RIMKLB: variants seen among roughly 807,000 people sequenced by gnomAD.
The protein encoded by RIMKLB is ribosomal modification protein rimK like family member B, also known as beta-citrylglutamate synthase B.
Under a neutral mutation model 32.0 loss-of-function variants are expected in RIMKLB, and 7 were observed. That is an observed-to-expected ratio of 0.22 (90% CI 0.12 to 0.41). RIMKLB has a LOEUF of 0.41. Ranked by LOEUF, RIMKLB falls within the 10% of genes least tolerant of loss-of-function variation. RIMKLB has a pLI of 1.00. For synonymous variants in RIMKLB, 172 were observed against 185.1 expected (o/e 0.93, Z 0.57); for missense variants, 289 against 498.7 (o/e 0.58, Z 4.00).
upstream of RIMKLB, among the ~76,000 whole-genome samples, chr12:8,695,567 C>CTTTG (rs60544654): frequency 0.23 from 34,612 of 151,688 alleles, 4,148 homozygotes; most frequent in Non-Finnish European, 0.26. Flanking sequence ...TTATCATTGG[C>CTTTG]TTTTTTTAAA....
exon 1 of RIMKLB, chr12:8,681,737 A>G (rs1237307008): frequency 6.6e-6 from 1 of 152,248 alleles, no homozygotes; most frequent in East Asian, 1.9e-4. Flanking sequence ...GGTGTACTCT[A>G]ACTCAGGGAC....
chr12:8,706,554 G>A (rs868566769), intron 1 of RIMKLB, among the ~76,000 whole-genome samples: 2 of 151,100 alleles, frequency 1.3e-5, no homozygotes, highest in South Asian at 2.1e-4. Context: ...GGGTTCAAGC[G>A]ATTCTCCTGG....
Position 8,761,847 on chromosome 12 carries a change from C to G in RIMKLB, c.697+7754C>G, listed in dbSNP as rs755475878. Among the ~76,000 whole-genome samples the G allele has an allele frequency of 2.0e-5, 3 of 152,020 alleles. No individual in the cohort carries two copies. The South Asian group carries it at 6.2e-4, about 32-fold the overall frequency. The stretch of plus-strand genomic sequence containing the variant: ...TGGGGTATAGTAGGGGTCGTGCAGT[C>G]GAGATTTCCTCGGGAGGGGTGCCTT... On this transcript the variant is annotated intron_variant, in intron 5 of 5. Coordinates refer to ENST00000535829, the MANE Select transcript of RIMKLB (RefSeq NM_001297776.2).
upstream of RIMKLB, among the ~76,000 whole-genome samples, chr12:8,697,517 A>T (rs1189601976): frequency 6.6e-6 from 1 of 151,968 alleles, no homozygotes; most frequent in Non-Finnish European, 1.5e-5. Flanking sequence ...GGGCCTAAGC[A>T]GGGAATGTGA....
At chr12:8,671,329 C>T in the RIMKLB span, among the ~76,000 whole-genome samples, 9 of 151,990 alleles carry the variant, frequency 5.9e-5, no homozygotes, top group African/African-American at 2.2e-4. Context: ...CAGCTCACCG[C>T]AAATTCTGCT....
At position 8,776,763 on chromosome 12, in the gene RIMKLB, T is replaced by C. The variant is rs1382406790; in HGVS notation, c.*2979T>C. On this transcript the variant is annotated 3_prime_UTR_variant, in exon 6 of 6. Transcript: ENST00000535829. Reference sequence around the variant, plus strand: ...GAAATCTTCCTGTATATGTTACCAATAAGAAAACTACCCTGGAACAGTAGA... The same window carrying C: ...GAAATCTTCCTGTATATGTTACCAACAAGAAAACTACCCTGGAACAGTAGA... 3 of 985,276 alleles carry C rather than the reference T, an allele frequency of 3.0e-6. No individual in the cohort carries two copies. The highest frequency in any genetic ancestry group is 3.6e-6 in the Non-Finnish European group (3 of 829,880). 61.0% of individuals were successfully genotyped at this position (985,276 alleles called of 1,614,324 possible). A position where few individuals can be genotyped will look rare whatever the true frequency, so the allele number is the denominator to read the frequency against.
intron 2 of RIMKLB, among the ~76,000 whole-genome samples, chr12:8,721,954 G>A (rs1174176854): frequency 2.0e-5 from 3 of 152,084 alleles, no homozygotes; most frequent in African/African-American, 7.2e-5. Flanking sequence ...ATGTTGGCCA[G>A]GTTGGTCTCA....
chr12:8,717,093 GTAT>G (rs973214114), intron 2 of RIMKLB, among the ~76,000 whole-genome samples: 6 of 79,688 alleles, frequency 7.5e-5, no homozygotes, highest in Non-Finnish European at 5.2e-5. Flanking sequence ...CATTTTTTAT[GTAT>G]TATTTAACTC....
chr12:8,729,604 G>T (rs777003824), intron 2 of RIMKLB, among the ~76,000 whole-genome samples: 22 of 152,276 alleles, frequency 1.4e-4, no homozygotes, highest in African/African-American at 5.1e-4. Context: ...AAACAGGGAT[G>T]TAAATTCTTA....
chr12:8,711,669 C>A (rs761400296), intron 1 of RIMKLB, among the ~76,000 whole-genome samples: 2 of 151,818 alleles, frequency 1.3e-5, no homozygotes, highest in South Asian at 2.1e-4. Context: ...TCCCTCCCCC[C>A]TCCCCCAAAC....
chr12:8,759,228 C>T (rs1949320524), intron 5 of RIMKLB, among the ~76,000 whole-genome samples: 1 of 152,126 alleles, frequency 6.6e-6, no homozygotes, highest in African/African-American at 2.4e-5. Flanking sequence ...AACCCCATCT[C>T]TACTAAAAAT....
the RIMKLB span, among the ~76,000 whole-genome samples, chr12:8,670,811 T>C: frequency 6.6e-6 from 1 of 152,262 alleles, no homozygotes; most frequent in Non-Finnish European, 1.5e-5. Context: ...GCCCCACCCC[T>C]GCAGCAAACT....
At chr12:8,746,694 G>A (rs1333593458) in intron 2 of RIMKLB, among the ~76,000 whole-genome samples, 1 of 151,890 alleles carries the variant, frequency 6.6e-6, no homozygotes, top group Non-Finnish European at 1.5e-5. Flanking sequence ...CACATCTGCT[G>A]ATGACCACAT....
At chr12:8,713,124 T>G (rs1020097712) in intron 1 of RIMKLB, among the ~76,000 whole-genome samples, 2 of 152,320 alleles carry the variant, frequency 1.3e-5, no homozygotes, top group Middle Eastern at 3.4e-3. Context: ...ATAAAAACAT[T>G]GAGTAAGAGC....
chr12:8,757,537 T>C (rs1321850388), intron 5 of RIMKLB, among the ~76,000 whole-genome samples: 1 of 151,732 alleles, frequency 6.6e-6, no homozygotes, highest in Non-Finnish European at 1.5e-5. Context: ...AAGGATTCCT[T>C]TGCACCCATT....
At chr12:8,753,395 C>T (rs985217527) in intron 4 of RIMKLB, among the ~76,000 whole-genome samples, 3 of 152,040 alleles carry the variant, frequency 2.0e-5, no homozygotes, top group Non-Finnish European at 4.4e-5. Context: ...AATTTAGAAC[C>T]ATATATCAAA....
At chr12:8,779,861 T>A (rs1471413789), downstream of RIMKLB, 1 of 152,032 alleles carries the variant, frequency 6.6e-6, no homozygotes, top group Non-Finnish European at 1.5e-5. Context: ...ATTACATTTG[T>A]CATTCTGTCT....
intron 2 of RIMKLB, among the ~76,000 whole-genome samples, chr12:8,714,604 C>G (rs766936841): frequency 3.9e-5 from 6 of 152,036 alleles, no homozygotes; most frequent in Non-Finnish European, 7.4e-5. Flanking sequence ...AATGATTTAA[C>G]TCAATTGGTG....
At chr12:8,731,667 C>T (rs1475017244) in intron 2 of RIMKLB, among the ~76,000 whole-genome samples, 1 of 152,080 alleles carries the variant, frequency 6.6e-6, no homozygotes, top group Non-Finnish European at 1.5e-5. Context: ...TTACTTTGTA[C>T]TCCAGTGTTT....
Sources: gnomAD v4.1 joint callset for allele counts (sites outside exome capture counted in the v4.1 genomes callset) on GRCh38, gnomAD v4.1.1 for gene constraint, MANE v1.5 for transcripts, NCBI Gene and HGNC (gene_info 2026-07-23, HGNC 2026-07-21) for gene names.